The following PTPRD variants were observed in gnomAD, a reference collection of about 807,000 sequenced individuals.
PTPRD encodes the protein protein tyrosine phosphatase receptor type D.
In PTPRD, 34 loss-of-function variants were observed where a neutral mutation model predicts 214.5. The observed-to-expected ratio is 0.16, with a 90% CI of 0.12 to 0.21. PTPRD has a LOEUF of 0.21. Among genes scored for constraint, PTPRD ranks in the 10% least tolerant of loss-of-function variants. The pLI, the probability that PTPRD is intolerant of heterozygous loss-of-function variation, is 1.00. For missense variants in PTPRD, 2,545 were observed against 2,398.7 expected (o/e 1.06, Z -1.27); for synonymous variants, 1,128 against 845.7 (o/e 1.33, Z -5.79).
intron 9 of PTPRD, among the ~76,000 whole-genome samples, chr9:9,219,253 C>G (rs571405510): frequency 2.6e-5 from 4 of 152,022 alleles, no homozygotes; most frequent in South Asian, 4.2e-4. Context: ...TTTAGAAATA[C>G]AAGGTCTCTA....
intron 7 of PTPRD, among the ~76,000 whole-genome samples, chr9:9,733,043 C>G (rs1363342431): frequency 6.6e-6 from 1 of 152,094 alleles, no homozygotes; most frequent in African/African-American, 2.4e-5. Flanking sequence ...TTACCACTCT[C>G]CAAAGGTAAT....
intron 3 of PTPRD, among the ~76,000 whole-genome samples, chr9:10,280,006 G>GATAGT (rs2094999773): frequency 6.6e-6 from 1 of 152,096 alleles, no homozygotes. Flanking sequence ...CCCTTATGAT[G>GATAGT]CTATGGTAAT....
At chr9:8,329,916 G>T (rs1261227874) in intron 44 of PTPRD, among the ~76,000 whole-genome samples, 1 of 152,040 alleles carries the variant, frequency 6.6e-6, no homozygotes, top group African/African-American at 2.4e-5. Context: ...CTCGCAGTGA[G>T]ATTTTCAAGC....
chr9:10,345,878 A>G (rs1279135175), intron 2 of PTPRD, among the ~76,000 whole-genome samples: 1 of 152,134 alleles, frequency 6.6e-6, no homozygotes, highest in African/African-American at 2.4e-5. Context: ...CACTCCCACC[A>G]ACAGTGTAAA....
intron 3 of PTPRD, among the ~76,000 whole-genome samples, chr9:10,189,430 C>T (rs558280439): frequency 3.4e-4 from 52 of 152,268 alleles, no homozygotes; most frequent in African/African-American, 1.1e-3. Context: ...AATGTGATAA[C>T]ACCACTAAAG....
intron 8 of PTPRD, among the ~76,000 whole-genome samples, chr9:9,546,975 A>G (rs980812666): frequency 6.6e-6 from 1 of 151,876 alleles, no homozygotes; most frequent in Non-Finnish European, 1.5e-5. Context: ...TGTTAAAAAA[A>G]AAAATAAAAA....
intron 10 of PTPRD, among the ~76,000 whole-genome samples, chr9:9,110,288 A>G (rs564389028): frequency 6.6e-6 from 1 of 152,198 alleles, no homozygotes; most frequent in East Asian, 1.9e-4. Flanking sequence ...TTTCTCAAAG[A>G]ATAGTCCCCA....
At chr9:10,003,635 T>A (rs2096391025) in intron 4 of PTPRD, among the ~76,000 whole-genome samples, 1 of 151,648 alleles carries the variant, frequency 6.6e-6, no homozygotes, top group African/African-American at 2.4e-5. Context: ...AATAACCCAA[T>A]AAGATTAATA....
intron 2 of PTPRD, among the ~76,000 whole-genome samples, chr9:10,386,602 G>C (rs2097917891): frequency 6.6e-6 from 1 of 151,788 alleles, no homozygotes; most frequent in Non-Finnish European, 1.5e-5. Context: ...TAGACCATTA[G>C]CTGATAGAAG....
intron 44 of PTPRD, among the ~76,000 whole-genome samples, chr9:8,330,787 A>G (rs1406697625): frequency 1.3e-5 from 2 of 152,138 alleles, no homozygotes; most frequent in African/African-American, 4.8e-5. Context: ...TATGTCGTAA[A>G]GAACTATAGT....
intron 4 of PTPRD, among the ~76,000 whole-genome samples, chr9:9,941,521 C>T (rs2091444135): frequency 2.0e-5 from 3 of 152,134 alleles, no homozygotes; most frequent in South Asian, 4.1e-4. Flanking sequence ...TGGAGTTTCG[C>T]CGTATTGGCC....
At position 10,241,017 on chromosome 9, in the gene PTPRD, GAA is replaced by G. The variant is rs71321234; in HGVS notation, c.-545+99944_-545+99945del. Among the ~76,000 whole-genome samples, 501 of 144,976 alleles carry G rather than the reference GAA, an allele frequency of 3.5e-3. 1 individual carries two copies. Among genetic ancestry groups the G allele is most frequent in the Non-Finnish European group, 4.5e-3 (298 of 66,210 alleles). On this transcript the variant is annotated intron_variant, in intron 3 of 45. Coordinates refer to ENST00000381196, the MANE Select transcript of PTPRD (RefSeq NM_002839.4). ...AAAGAAAGATATAAATACCAGAGTA[GAA>G]AAAAAAAAATGACAAAAGATTTGAA... is the stretch of plus-strand genomic sequence containing the variant.
intron 10 of PTPRD, among the ~76,000 whole-genome samples, chr9:9,020,692 T>A (rs571073620): frequency 3.3e-5 from 5 of 152,126 alleles, no homozygotes; most frequent in African/African-American, 1.2e-4. Context: ...CAAATGGAAA[T>A]GTTAAGTTGG....
intron 3 of PTPRD, among the ~76,000 whole-genome samples, chr9:10,303,561 T>C (rs907788913): frequency 2.5e-4 from 38 of 151,794 alleles, no homozygotes; most frequent in African/African-American, 9.2e-4. Flanking sequence ...ATAGATGCAA[T>C]AAAAAATAAT....
rs77315790 is a variant in PTPRD at position 10,038,094 on chromosome 9, G to T, written c.-544-4304C>A. ...TTTTATCTGTCACATCTCATATTTG[G>T]TTCTACTGAACATGAGTACCATTTT... On this transcript the variant is annotated intron_variant, in intron 3 of 45. Coordinates refer to ENST00000381196, the MANE Select transcript of PTPRD (RefSeq NM_002839.4). 5.8e-3 allele frequency among the ~76,000 whole-genome samples: 879 copies of T among 152,048 alleles called. 51 individuals are homozygous for T. The East Asian group carries it at 0.12, about 22-fold the overall frequency.
At chr9:10,410,540 C>T (rs2098423603) in intron 2 of PTPRD, among the ~76,000 whole-genome samples, 1 of 151,112 alleles carries the variant, frequency 6.6e-6, no homozygotes, top group African/African-American at 2.4e-5. Flanking sequence ...AATTTAGGGA[C>T]ATTGATACAC....
intron 3 of PTPRD, among the ~76,000 whole-genome samples, chr9:10,132,960 ATT>A (rs71306732): frequency 0.78 from 118,850 of 151,726 alleles, 46,676 homozygotes; most frequent in Middle Eastern, 0.89. Flanking sequence ...CAAGATTGTT[ATT>A]TTGTAGCTTC....
At chr9:9,282,316 G>C (rs953722938) in intron 9 of PTPRD, among the ~76,000 whole-genome samples, 9 of 151,186 alleles carry the variant, frequency 6.0e-5, no homozygotes, top group African/African-American at 2.2e-4. Context: ...AGGATATGTA[G>C]GTGTGCATGC....
chr9:10,580,405 AGTCTAT>A (rs1218662842), intron 2 of PTPRD, among the ~76,000 whole-genome samples: 7 of 152,200 alleles, frequency 4.6e-5, no homozygotes, highest in Non-Finnish European at 1.0e-4. Context: ...GTAAAGTATA[AGTCTAT>A]GTGCCTAGGC....
Sources: allele counts gnomAD v4.1 joint callset (sites outside exome capture counted in the v4.1 genomes callset), GRCh38; gene constraint gnomAD v4.1.1; transcripts MANE v1.5; gene names NCBI Gene and HGNC (gene_info 2026-07-23, HGNC 2026-07-21).